The following ARSJ variants were observed in gnomAD, a reference collection of about 807,000 sequenced individuals.
The protein encoded by ARSJ is arylsulfatase family member J, also known as arylsulfatase J.
In ARSJ, 26 loss-of-function variants were observed where a neutral mutation model predicts 35.9. That is an observed-to-expected ratio of 0.72 (90% CI 0.53 to 1.00). The LOEUF (loss-of-function observed/expected upper bound fraction) is 1.00, where lower values mean the gene tolerates loss of function less well. Ranked by LOEUF, ARSJ falls within the 50% of genes least tolerant of loss-of-function variation. The probability of loss-of-function intolerance (pLI) is 0.00; values close to 1 mark genes in which losing one functional copy is unlikely to be tolerated. For synonymous variants in ARSJ, 294 were observed against 267.6 expected (o/e 1.10, Z -0.96); for missense variants, 667 against 723.6 (o/e 0.92, Z 0.90).
chr4:113,914,036 C>T (rs188118949), intron 1 of ARSJ, among the ~76,000 whole-genome samples: 69 of 152,146 alleles, frequency 4.5e-4, no homozygotes, highest in African/African-American at 1.4e-3. Flanking sequence ...TGCAATAGTG[C>T]GGTCTCAGCT....
chr4:113,964,988 CAAA>C (rs1176390593), intron 1 of ARSJ, among the ~76,000 whole-genome samples: 1 of 151,950 alleles, frequency 6.6e-6, no homozygotes, highest in African/African-American at 2.4e-5. Flanking sequence ...CAAATTTAAA[CAAA>C]AGATTGTATA....
chr4:113,933,308 CA>C (rs1209652296), intron 1 of ARSJ, among the ~76,000 whole-genome samples: 2 of 151,272 alleles, frequency 1.3e-5, no homozygotes, highest in Non-Finnish European at 3.0e-5. Context: ...TAAAAATCTT[CA>C]AAAAAAATTG....
chr4:113,930,721 C>A (rs373532668), intron 1 of ARSJ, among the ~76,000 whole-genome samples: 1 of 151,258 alleles, frequency 6.6e-6, no homozygotes, highest in Non-Finnish European at 1.5e-5. Context: ...AAGACACATG[C>A]ACACGTATGT....
chr4:113,900,548 A>G lies in ARSJ; in HGVS notation c.*1726T>C, dbSNP rs2099666748. 1 of 152,134 alleles carries G rather than the reference A, an allele frequency of 6.6e-6. No individual in the cohort carries two copies. The highest frequency in any genetic ancestry group is 2.1e-4 in the South Asian group (1 of 4,830). The allele number at this position is 152,134 out of a possible 1,614,324, so 9.4% of individuals were successfully genotyped here. ...CACAGTCCTTTGAGTTGTGATATAA[A>G]TGGATTATATCACAGTCCTTTGAGC... On this transcript the variant is annotated 3_prime_UTR_variant, in exon 2 of 2. Transcript: ENST00000315366.
intron 1 of ARSJ, among the ~76,000 whole-genome samples, chr4:113,972,905 C>G (rs1727365187): frequency 6.6e-6 from 1 of 152,160 alleles, no homozygotes; most frequent in African/African-American, 2.4e-5. Context: ...CTCACTGGCA[C>G]TTCTAGACAA....
At position 113,948,043 on chromosome 4, in the gene ARSJ, G is replaced by T. The variant is rs189612992; in HGVS notation, c.398+30394C>A. 2.0e-5 allele frequency among the ~76,000 whole-genome samples: 3 copies of T among 152,136 alleles called. No individual in the cohort carries two copies. The East Asian group carries it at 5.8e-4, about 29-fold the overall frequency. On this transcript the variant is annotated intron_variant, in intron 1 of 1. Coordinates refer to ENST00000315366, the MANE Select transcript of ARSJ (RefSeq NM_024590.4). ...ATCTCTAATAAAAATACAAAAATTA[G>T]CAGAGTGTGGTGGTGCACACATGTA...
chr4:113,964,587 A>C (rs1443571999), intron 1 of ARSJ, among the ~76,000 whole-genome samples: 1 of 152,130 alleles, frequency 6.6e-6, no homozygotes, highest in Non-Finnish European at 1.5e-5. Context: ...AGGTCAACTG[A>C]CTTGATTCTA....
intron 1 of ARSJ, among the ~76,000 whole-genome samples, chr4:113,923,370 T>C (rs889372382): frequency 3.3e-5 from 5 of 152,160 alleles, no homozygotes; most frequent in African/African-American, 1.2e-4. Context: ...AAGCAAAATT[T>C]TGAGGAAAAT....
intron 1 of ARSJ, among the ~76,000 whole-genome samples, chr4:113,934,261 C>T (rs961472516): frequency 1.3e-5 from 2 of 151,658 alleles, no homozygotes; most frequent in South Asian, 2.1e-4. Flanking sequence ...TGGGTGTATA[C>T]TCAATATATT....
intron 1 of ARSJ, among the ~76,000 whole-genome samples, chr4:113,945,894 C>CT (rs1439037588): frequency 6.6e-6 from 1 of 152,038 alleles, no homozygotes; most frequent in Non-Finnish European, 1.5e-5. Flanking sequence ...AACCAACAAT[C>CT]TTGGTTGTTG....
intron 1 of ARSJ, among the ~76,000 whole-genome samples, chr4:113,967,845 G>C (rs955483303): frequency 4.6e-5 from 7 of 152,014 alleles, no homozygotes; most frequent in Non-Finnish European, 1.0e-4. Context: ...TGAAAAATTT[G>C]AAAGCTCCTA....
At chr4:113,974,511 T>C (rs2110339476) in intron 1 of ARSJ, among the ~76,000 whole-genome samples, 1 of 152,166 alleles carries the variant, frequency 6.6e-6, no homozygotes, top group East Asian at 1.9e-4. Flanking sequence ...TTAGGCAAAA[T>C]ACTTGAATAA....
intron 1 of ARSJ, among the ~76,000 whole-genome samples, chr4:113,923,908 C>G (rs184474800): frequency 1.3e-5 from 2 of 150,472 alleles, no homozygotes; most frequent in East Asian, 3.9e-4. Flanking sequence ...CATAAGACTG[C>G]ATAGGTTCAA....
At position 113,902,331 on chromosome 4, in the gene ARSJ, C is replaced by T; in HGVS notation, c.1743G>A (p.Lys581=). 1 of 1,613,192 alleles carries T rather than the reference C, an allele frequency of 6.2e-7. No homozygotes were observed. ...KKQKKSKKKK[K]KQQKAVSGST... The stretch of plus-strand genomic sequence containing the variant: ...AACCTGAGACTGCTTTCTGCTGTTT[C>T]TTCTTCTTTTTTTTGCTTTTCTTTT... Residue 581 remains lysine, a synonymous_variant, in exon 2 of 2, where the codon AAG becomes AAA. Coordinates refer to ENST00000315366, the MANE Select transcript of ARSJ (RefSeq NM_024590.4).
intron 1 of ARSJ, among the ~76,000 whole-genome samples, chr4:113,909,679 A>G (rs1318798156): frequency 2.6e-5 from 4 of 152,158 alleles, no homozygotes; most frequent in Non-Finnish European, 4.4e-5. Flanking sequence ...AAGTTTCCTC[A>G]GGCCTCCCCA....
intron 1 of ARSJ, among the ~76,000 whole-genome samples, chr4:113,921,866 C>A (rs576699879): frequency 6.6e-6 from 1 of 152,232 alleles, no homozygotes; most frequent in Non-Finnish European, 1.5e-5. Flanking sequence ...GAATGGAATA[C>A]CTTGGTGAAA....
intron 1 of ARSJ, among the ~76,000 whole-genome samples, chr4:113,974,926 A>G (rs1727500045): frequency 6.6e-6 from 1 of 152,200 alleles, no homozygotes; most frequent in Non-Finnish European, 1.5e-5. Flanking sequence ...CCAAATGTCT[A>G]TTAACAGTAG....
chr4:113,915,729 A>G (rs1439319618), intron 1 of ARSJ, among the ~76,000 whole-genome samples: 1 of 152,198 alleles, frequency 6.6e-6, no homozygotes, highest in Non-Finnish European at 1.5e-5. Context: ...CTACCTCTGG[A>G]TCAGAACATC....
At chr4:113,976,622 C>T (rs1727608363) in intron 1 of ARSJ, among the ~76,000 whole-genome samples, 1 of 152,088 alleles carries the variant, frequency 6.6e-6, no homozygotes, top group South Asian at 2.1e-4. Context: ...AGCAATTTGT[C>T]TAAAAGGAGA....
Sources: gnomAD v4.1 joint callset for allele counts (sites outside exome capture counted in the v4.1 genomes callset) on GRCh38, gnomAD v4.1.1 for gene constraint, MANE v1.5 for transcripts, NCBI Gene and HGNC (gene_info 2026-07-23, HGNC 2026-07-21) for gene names.